SPIN1: variants seen among roughly 807,000 people sequenced by gnomAD.
SPIN1 encodes spindlin 1.
In SPIN1, 3 loss-of-function variants were observed where a neutral mutation model predicts 26.0. The ratio of observed to expected loss-of-function variants is 0.12; its 90% CI spans 0.05 to 0.30. The LOEUF is 0.30. SPIN1 is among the 10% of genes least tolerant of loss of function. SPIN1 has a pLI of 1.00. For synonymous variants in SPIN1, 101 were observed against 116.5 expected (o/e 0.87, Z 0.86); for missense variants, 126 against 333.4 (o/e 0.38, Z 4.84).
At chr9:88,455,450 C>A (rs577153942) in intron 3 of SPIN1, among the ~76,000 whole-genome samples, 1 of 152,214 alleles carries the variant, frequency 6.6e-6, no homozygotes, top group Admixed American at 6.5e-5. Flanking sequence ...GAGTGAAACT[C>A]CGTGTCAGAA....
intron 2 of SPIN1, among the ~76,000 whole-genome samples, chr9:88,437,824 T>A (rs1372965411): frequency 3.3e-5 from 5 of 152,156 alleles, no homozygotes; most frequent in African/African-American, 1.2e-4. Flanking sequence ...TATTCTCTTC[T>A]TTTTCTAGTT....
At chr9:88,423,092 C>T (rs962640674) in intron 1 of SPIN1, among the ~76,000 whole-genome samples, 1 of 152,198 alleles carries the variant, frequency 6.6e-6, no homozygotes, top group East Asian at 1.9e-4. Flanking sequence ...GCGACTCTTC[C>T]TTCTACTCCT....
chr9:88,420,545 A>G (rs1384005488), intron 1 of SPIN1, among the ~76,000 whole-genome samples: 1 of 152,220 alleles, frequency 6.6e-6, no homozygotes, highest in Non-Finnish European at 1.5e-5. Context: ...GGATTGCCAC[A>G]TTTTCCATAC....
chr9:88,390,014 A>G (rs1165685752), intron 1 of SPIN1, among the ~76,000 whole-genome samples: 5 of 152,278 alleles, frequency 3.3e-5, no homozygotes, highest in African/African-American at 9.6e-5. Context: ...TTTGATAATT[A>G]TATATTAAGG....
chr9:88,458,664 T>C (rs748564713), intron 3 of SPIN1, among the ~76,000 whole-genome samples: 8 of 152,196 alleles, frequency 5.3e-5, no homozygotes, highest in Non-Finnish European at 1.2e-4. Context: ...ATTTCATGCC[T>C]CTAGAGAGAG....
At chr9:88,416,438 A>C (rs1686102248) in intron 1 of SPIN1, among the ~76,000 whole-genome samples, 1 of 151,880 alleles carries the variant, frequency 6.6e-6, no homozygotes, top group South Asian at 2.1e-4. Context: ...GGATCCTCCC[A>C]CCTCAGCCTC....
At chr9:88,468,297 T>C (rs929885022) in intron 4 of SPIN1, 75 bp from the exon 5 acceptor site, 4 of 1,111,378 alleles carry the variant, frequency 3.6e-6, no homozygotes, top group South Asian at 3.7e-5. Flanking sequence ...TAGCCTTCTT[T>C]AGTAAATTCA....
intron 3 of SPIN1, among the ~76,000 whole-genome samples, chr9:88,453,270 T>C (rs1828399855): frequency 6.6e-6 from 1 of 152,218 alleles, no homozygotes; most frequent in African/African-American, 2.4e-5. Flanking sequence ...ACATAATGTT[T>C]CCTACAATCT....
chr9:88,453,833 A>C (rs1564039070), intron 3 of SPIN1, among the ~76,000 whole-genome samples: 1 of 152,170 alleles, frequency 6.6e-6, no homozygotes, highest in South Asian at 2.1e-4. Flanking sequence ...CGGTATCTTA[A>C]GCACATCGGA....
chr9:88,415,024 C>T (rs1265574275), intron 1 of SPIN1, among the ~76,000 whole-genome samples: 9 of 152,122 alleles, frequency 5.9e-5, no homozygotes, highest in Admixed American at 5.2e-4. Context: ...CTGCCTTAGC[C>T]TCCCGAGTAG....
intron 2 of SPIN1, among the ~76,000 whole-genome samples, chr9:88,434,552 C>T (rs1827961363): frequency 2.0e-5 from 3 of 152,074 alleles, no homozygotes; most frequent in African/African-American, 7.2e-5. Flanking sequence ...AAACTGATAA[C>T]AGTATCCAGT....
chr9:88,413,849 T>G (rs186352825), intron 1 of SPIN1, among the ~76,000 whole-genome samples: 5 of 152,240 alleles, frequency 3.3e-5, no homozygotes, highest in African/African-American at 1.2e-4. Flanking sequence ...AGATCAAAGT[T>G]AATAGGTTTT....
At chr9:88,402,933 G>A (rs889501494) in intron 1 of SPIN1, among the ~76,000 whole-genome samples, 5 of 152,136 alleles carry the variant, frequency 3.3e-5, no homozygotes, top group African/African-American at 1.2e-4. Flanking sequence ...GTGTATAAGA[G>A]TTCCCTTTTC....
chr9:88,461,703 A>G (rs10780921), intron 3 of SPIN1, among the ~76,000 whole-genome samples: 50,376 of 152,020 alleles, frequency 0.33, 15,755 homozygotes, highest in African/African-American at 0.83. Flanking sequence ...CTTGGTTTTG[A>G]CCTTCAGCTT....
rs918921155 is a variant in SPIN1, at chr9:88,477,406, C to T, written c.*2129C>T. 6.6e-6 allele frequency: 1 copy of T among 152,198 alleles called. No homozygotes were observed. The highest frequency in any genetic ancestry group is 2.4e-5 in the African/African-American group (1 of 41,452). The allele number at this position is 152,198 out of a possible 1,614,324, so 9.4% of individuals were successfully genotyped here. ...ACTTGCATTGTGGTTTTTCTGCAAG[C>T]AACTTTAATGACTTTTTTTATACCA... On this transcript the variant is annotated 3_prime_UTR_variant, in exon 6 of 6. Coordinates refer to ENST00000375859, the MANE Select transcript of SPIN1 (RefSeq NM_006717.3).
chr9:88,412,012 A>C (rs1170414888), intron 1 of SPIN1, among the ~76,000 whole-genome samples: 1 of 149,998 alleles, frequency 6.7e-6, no homozygotes, highest in Non-Finnish European at 1.5e-5. Context: ...TCTACTAAAA[A>C]TACAAAAAAA....
chr9:88,410,897 G>T, intron 1 of SPIN1: 1 of 981,582 alleles, frequency 1.0e-6, no homozygotes, highest in Non-Finnish European at 1.6e-6. Context: ...GCTGGATGAA[G>T]CACTAGCCAT....
rs927476863 is a variant in SPIN1 at position 88,441,431 on chromosome 9, A to ATGTGTGTGTGTGTGTGTGTG, written c.53-7501_53-7500insGTGTGTGTGTGTGTGTGTGT. Among the ~76,000 whole-genome samples the ATGTGTGTGTGTGTGTGTGTG allele has an allele frequency of 3.2e-5, 3 of 93,332 alleles. No individual in the cohort carries two copies. The African/African-American group carries it at 3.9e-4, about 12-fold the overall frequency. 61.2% of individuals were successfully genotyped at this position (93,332 alleles called of 152,430 possible). A position where few individuals can be genotyped will look rare whatever the true frequency, so the allele number is the denominator to read the frequency against. On this transcript the variant is annotated intron_variant, in intron 2 of 5. Coordinates refer to ENST00000375859, the MANE Select transcript of SPIN1 (RefSeq NM_006717.3). ...TGTGTGTGTGCGCGCGCGCGCGCCC[A>ATGTGTGTGTGTGTGTGTGTG]TGTGTGTGTACATACATTGTTGCTC...
At chr9:88,423,526 C>T (rs1827710696) in intron 1 of SPIN1, among the ~76,000 whole-genome samples, 1 of 151,932 alleles carries the variant, frequency 6.6e-6, no homozygotes, top group African/African-American at 2.4e-5. Context: ...CTAACCTCTG[C>T]CTCCCGAGTT....
Sources: gnomAD v4.1 joint callset for allele counts (sites outside exome capture counted in the v4.1 genomes callset) on GRCh38, gnomAD v4.1.1 for gene constraint, MANE v1.5 for transcripts, NCBI Gene and HGNC (gene_info 2026-07-23, HGNC 2026-07-21) for gene names.